The following GRIP1 variants were observed in gnomAD, a reference collection of about 807,000 sequenced individuals.
The protein encoded by GRIP1 is glutamate receptor-interacting protein 1.
Under a neutral mutation model 129.9 loss-of-function variants are expected in GRIP1, and 45 were observed. The ratio of observed to expected loss-of-function variants is 0.35; its 90% confidence interval spans 0.27 to 0.44. GRIP1 has a LOEUF of 0.44. GRIP1 is among the 20% of genes least tolerant of loss of function. The pLI, the probability that GRIP1 is intolerant of heterozygous loss-of-function variation, is 1.00. For missense variants in GRIP1, 1,196 were observed against 1,396.8 expected (o/e 0.86, Z 2.29); for synonymous variants, 530 against 520.8 (o/e 1.02, Z -0.24).
intron 7 of GRIP1, among the ~76,000 whole-genome samples, chr12:66,470,305 C>A (rs1420869218): frequency 6.6e-6 from 1 of 152,188 alleles, no homozygotes; most frequent in African/African-American, 2.4e-5. Context: ...TTCTGCCCTG[C>A]TTCTCTCTGT....
At chr12:67,043,859 CT>C (rs1429375553) in intron 1 of GRIP1, among the ~76,000 whole-genome samples, 1 of 151,952 alleles carries the variant, frequency 6.6e-6, no homozygotes, top group African/African-American at 2.4e-5. Context: ...AGATTTGAAA[CT>C]TGAAGTTTAT....
intron 1 of GRIP1, among the ~76,000 whole-genome samples, chr12:66,636,307 GA>G (rs1166028263): frequency 3.3e-5 from 5 of 151,744 alleles, no homozygotes; most frequent in Non-Finnish European, 7.4e-5. Flanking sequence ...TTGAGATGAT[GA>G]AAAAAAGGTC....
At chr12:66,933,029 C>T (rs149353271) in intron 1 of GRIP1, among the ~76,000 whole-genome samples, 75 of 152,260 alleles carry the variant, frequency 4.9e-4, no homozygotes, top group South Asian at 4.1e-3. Flanking sequence ...CTATAGGTAA[C>T]GAGTTCCATT....
chr12:66,799,884 C>T (rs1449763093), intron 1 of GRIP1, among the ~76,000 whole-genome samples: 2 of 152,164 alleles, frequency 1.3e-5, no homozygotes, highest in African/African-American at 4.8e-5. Context: ...ACAAATACCA[C>T]TGTCAATATT....
intron 5 of GRIP1, among the ~76,000 whole-genome samples, chr12:66,527,832 G>A (rs1191944131): frequency 6.6e-6 from 1 of 152,080 alleles, no homozygotes; most frequent in South Asian, 2.1e-4. Context: ...GGTGGGAGGA[G>A]GAGGAGGATG....
intron 9 of GRIP1, 91 bp downstream of exon 9, chr12:66,462,833 A>C: frequency 1.4e-6 from 1 of 732,722 alleles, no homozygotes; most frequent in Non-Finnish European, 2.4e-6. Flanking sequence ...AGGCAGAATG[A>C]GACCCAGTGT....
chr12:66,451,823 T>A (rs11176192), intron 11 of GRIP1, among the ~76,000 whole-genome samples: 16,408 of 152,194 alleles, frequency 0.11, 1,077 homozygotes, highest in Non-Finnish European at 0.16. Flanking sequence ...AGCTCCTTTG[T>A]CCAAATGAGG....
At chr12:67,017,342 T>C (rs2042802769) in intron 1 of GRIP1, among the ~76,000 whole-genome samples, 1 of 151,844 alleles carries the variant, frequency 6.6e-6, no homozygotes, top group African/African-American at 2.4e-5. Flanking sequence ...CCCTTTTAAA[T>C]GATAAATTAT....
intron 1 of GRIP1, among the ~76,000 whole-genome samples, chr12:66,669,342 C>A (rs1002361934): frequency 2.0e-5 from 3 of 151,956 alleles, no homozygotes; most frequent in Non-Finnish European, 4.4e-5. Context: ...GAGCTGAGAT[C>A]GTGCCACTGC....
intron 1 of GRIP1, among the ~76,000 whole-genome samples, chr12:67,028,931 C>T (rs1374348928): frequency 6.6e-6 from 1 of 151,650 alleles, no homozygotes; most frequent in African/African-American, 2.4e-5. Flanking sequence ...ACTTAGCCAC[C>T]GTGAAGTCAA....
At chr12:66,675,318 T>G (rs565419398) in intron 1 of GRIP1, among the ~76,000 whole-genome samples, 2 of 151,962 alleles carry the variant, frequency 1.3e-5, no homozygotes, top group African/African-American at 4.8e-5. Context: ...GAAAGAAAAA[T>G]GCCATTGCCA....
intron 1 of GRIP1, among the ~76,000 whole-genome samples, chr12:66,667,918 A>C (rs1321810554): frequency 6.6e-6 from 1 of 152,182 alleles, no homozygotes; most frequent in South Asian, 2.1e-4. Flanking sequence ...TTCCATGGCC[A>C]GGAAGGGTGG....
At chr12:67,015,404 C>G (rs553894418) in intron 1 of GRIP1, among the ~76,000 whole-genome samples, 33 of 152,106 alleles carry the variant, frequency 2.2e-4, no homozygotes, top group Admixed American at 4.6e-4. Context: ...GTTCTCTTGA[C>G]TCTGAGCAGA....
At chr12:67,045,776 A>G (rs1204885111) in intron 1 of GRIP1, among the ~76,000 whole-genome samples, 7 of 152,198 alleles carry the variant, frequency 4.6e-5, no homozygotes, top group Admixed American at 4.6e-4. Context: ...GTAAACCTCA[A>G]ACTGACTTAA....
At chr12:66,869,573 G>A (rs2040261737) in intron 1 of GRIP1, among the ~76,000 whole-genome samples, 1 of 152,110 alleles carries the variant, frequency 6.6e-6, no homozygotes, top group Non-Finnish European at 1.5e-5. Flanking sequence ...ATTCCAGACT[G>A]TGGGTAAGTG....
chr12:66,920,991 C>T (rs1396343781), intron 1 of GRIP1, among the ~76,000 whole-genome samples: 1 of 152,190 alleles, frequency 6.6e-6, no homozygotes, highest in Non-Finnish European at 1.5e-5. Flanking sequence ...ACAACCCAGC[C>T]TCTGAACATA....
intron 8 of GRIP1, among the ~76,000 whole-genome samples, chr12:66,464,957 T>TA (rs1226559518): frequency 7.2e-6 from 1 of 138,702 alleles, no homozygotes; most frequent in African/African-American, 3.1e-5. Flanking sequence ...TTTCTTTCTT[T>TA]TTTTTTTTTT....
chr12:66,748,353 A>T (rs1592804888), intron 1 of GRIP1, among the ~76,000 whole-genome samples: 1 of 152,178 alleles, frequency 6.6e-6, no homozygotes, highest in Non-Finnish European at 1.5e-5. Flanking sequence ...GTCTGGGTGC[A>T]AATCCTGGCA....
chr12:66,361,902 A>C (rs2054792084), intron 23 of GRIP1, among the ~76,000 whole-genome samples: 1 of 152,046 alleles, frequency 6.6e-6, no homozygotes, highest in African/African-American at 2.4e-5. Flanking sequence ...CACACCCTCC[A>C]CCCACCCTCG....
Sources: gnomAD v4.1 joint callset for allele counts (sites outside exome capture counted in the v4.1 genomes callset) on GRCh38, gnomAD v4.1.1 for gene constraint, MANE v1.5 for transcripts, NCBI Gene and HGNC (gene_info 2026-07-23, HGNC 2026-07-21) for gene names.